The following SIRPG variants were observed in gnomAD, a reference collection of about 807,000 sequenced individuals.
SIRPG encodes the protein signal-regulatory protein gamma.
A neutral mutation model predicts 35.7 loss-of-function variants in SIRPG; 38 were observed. The observed-to-expected ratio is 1.06, with a 90% CI of 0.82 to 1.40. The LOEUF is 1.40. Among genes scored for constraint, SIRPG ranks in the 40% most tolerant of loss-of-function variants. The probability of loss-of-function intolerance (pLI) is 0.00; values close to 1 mark genes in which losing one functional copy is unlikely to be tolerated. For synonymous variants in SIRPG, 215 were observed against 190.4 expected, an observed-to-expected ratio of 1.13 and a Z score of -1.06; for missense variants, 519 against 483.0, an observed-to-expected ratio of 1.07 and a Z score of -0.70.
chr20:1,638,560 A>AGCATTTTG (rs2091823177), intron 2 of SIRPG: 1 of 152,190 alleles, frequency 6.6e-6, no homozygotes. Context: ...TAAAGCTGGA[A>AGCATTTTG]GCATTTTGGA....
the SIRPG span, chr20:1,671,077 T>C: frequency 2.3e-6 from 1 of 427,846 alleles, no homozygotes; most frequent in Non-Finnish European, 4.7e-6. Flanking sequence ...ATTCCTATTT[T>C]TGGACCATTT....
At chr20:1,650,969 G>T (rs1054037333) in intron 1 of SIRPG, among the ~76,000 whole-genome samples, 1 of 152,188 alleles carries the variant, frequency 6.6e-6, no homozygotes, top group African/African-American at 2.4e-5. Flanking sequence ...TGTTCAAAAT[G>T]CTGAAAGAGG....
intron 2 of SIRPG, among the ~76,000 whole-genome samples, chr20:1,640,543 G>C (rs2091844266): frequency 6.6e-6 from 1 of 152,160 alleles, no homozygotes; most frequent in African/African-American, 2.4e-5. Context: ...ATAGAATCAT[G>C]TCATCTGCAA....
the SIRPG span, among the ~76,000 whole-genome samples, chr20:1,673,842 G>A: frequency 6.6e-6 from 1 of 152,186 alleles, no homozygotes; most frequent in African/African-American, 2.4e-5. Context: ...AGGCTCCTGG[G>A]GCTGAGGAGT....
intron 1 of SIRPG, among the ~76,000 whole-genome samples, chr20:1,649,713 G>A (rs370513604): frequency 2.9e-5 from 4 of 139,908 alleles, no homozygotes; most frequent in East Asian, 4.6e-4. Flanking sequence ...CATGGCTCAC[G>A]GCAACTTCAA....
Position 1,635,600 on chromosome 20 carries a change from C to T in SIRPG, c.749-1G>A, listed in dbSNP as rs1428377107. On this transcript the variant is annotated splice_acceptor_variant, in intron 3 of 5. Transcript: ENST00000303415. LOFTEE classifies it high-confidence loss of function. ...TGAGTAACCTCCAAGGTGGGTGGAACTGAAACAGCACAGGGTAGAAGCTCT... is the reference window on the plus strand; with the variant it reads ...TGAGTAACCTCCAAGGTGGGTGGAATTGAAACAGCACAGGGTAGAAGCTCT... 6.2e-7 allele frequency: 1 copy of T among 1,613,932 alleles called. No homozygotes were observed.
At chr20:1,678,163 G>T in the SIRPG span, among the ~76,000 whole-genome samples, 1 of 152,082 alleles carries the variant, frequency 6.6e-6, no homozygotes, top group Middle Eastern at 3.2e-3. Context: ...CATCACTCCA[G>T]CCTCTGGCTT....
At chr20:1,663,262 G>A in the SIRPG span, among the ~76,000 whole-genome samples, 3 of 152,168 alleles carry the variant, frequency 2.0e-5, no homozygotes, top group Admixed American at 6.5e-5. Flanking sequence ...GCAGTCAGCC[G>A]AGATCGTGCC....
the SIRPG span, among the ~76,000 whole-genome samples, chr20:1,685,456 C>T: frequency 6.6e-6 from 1 of 152,016 alleles, no homozygotes; most frequent in Non-Finnish European, 1.5e-5. Context: ...GGGAAGAACA[C>T]GTAATAAGAC....
chr20:1,650,467 G>A (rs757927233), intron 1 of SIRPG, among the ~76,000 whole-genome samples: 38 of 152,158 alleles, frequency 2.5e-4, no homozygotes, highest in Non-Finnish European at 3.8e-4. Flanking sequence ...TGAAAGTTCA[G>A]TAGAGGGGTT....
intron 2 of SIRPG, among the ~76,000 whole-genome samples, chr20:1,638,708 C>A (rs1568727773): frequency 6.6e-6 from 1 of 151,944 alleles, no homozygotes; most frequent in African/African-American, 2.4e-5. Context: ...CTTATCAACC[C>A]ATCATCTAGA....
intron 2 of SIRPG, among the ~76,000 whole-genome samples, chr20:1,644,697 G>A (rs1218863559): frequency 6.6e-6 from 1 of 152,226 alleles, no homozygotes; most frequent in Admixed American, 6.5e-5. Flanking sequence ...ATGGGCTCAT[G>A]AGTGGGATCT....
chr20:1,675,169 A>C, the SIRPG span, among the ~76,000 whole-genome samples: 1 of 152,078 alleles, frequency 6.6e-6, no homozygotes, highest in Non-Finnish European at 1.5e-5. Flanking sequence ...CAGTGGCCCC[A>C]CTCACCCACT....
chr20:1,673,228 G>A, the SIRPG span, among the ~76,000 whole-genome samples: 2 of 152,124 alleles, frequency 1.3e-5, no homozygotes, highest in South Asian at 4.2e-4. Flanking sequence ...GACCCTAACG[G>A]GATGAGAGGA....
In SIRPG at chr20:1,629,615, T is replaced by A. The variant is rs888132568; in HGVS notation, c.*24A>T. The A allele has an allele frequency of 5.9e-5, 9 of 152,498 alleles. No homozygotes were observed. Among genetic ancestry groups the A allele is most frequent in the African/African-American group, 1.7e-4 (7 of 41,436 alleles). The allele number at this position is 152,498 out of a possible 1,614,324, so 9.4% of individuals were successfully genotyped here. A position where few individuals can be genotyped will look rare whatever the true frequency, so the allele number is the denominator to read the frequency against. ...AGGCAGCAGAGATGAGGGTCCCACG[T>A]GGCAGGGGAGGAAGGAAGGAGCTGT... is the stretch of plus-strand genomic sequence containing the variant. On this transcript the variant is annotated 3_prime_UTR_variant, in exon 6 of 6. Transcript: ENST00000303415.
chr20:1,666,685 C>T, the SIRPG span: 1 of 152,116 alleles, frequency 6.6e-6, no homozygotes. Flanking sequence ...TTAGCATGGC[C>T]AAGGTGTATG....
At chr20:1,682,967 A>G in the SIRPG span, among the ~76,000 whole-genome samples, 902 of 152,352 alleles carry the variant, frequency 5.9e-3, 19 homozygotes, top group African/African-American at 0.021. Context: ...GACAACATAC[A>G]GAATGGGAAA....
At chr20:1,636,736 T>A (rs2091806421) in intron 2 of SIRPG, among the ~76,000 whole-genome samples, 1 of 152,038 alleles carries the variant, frequency 6.6e-6, no homozygotes, top group Non-Finnish European at 1.5e-5. Context: ...GAAGTCCAGG[T>A]CTGAGTTCAA....
chr20:1,682,611 A>G, the SIRPG span, among the ~76,000 whole-genome samples: 36 of 152,250 alleles, frequency 2.4e-4, no homozygotes, highest in African/African-American at 8.2e-4. Flanking sequence ...GACACACAAT[A>G]GGGAAAAGTC....
Sources: allele counts gnomAD v4.1 joint callset (sites outside exome capture counted in the v4.1 genomes callset), GRCh38; gene constraint gnomAD v4.1.1; transcripts MANE v1.5; gene names NCBI Gene and HGNC (gene_info 2026-07-23, HGNC 2026-07-21).